USP10: variants seen among roughly 807,000 people sequenced by gnomAD.
The protein encoded by USP10 is ubiquitin carboxyl-terminal hydrolase 10.
Under a neutral mutation model 84.5 loss-of-function variants are expected in USP10, and 22 were observed. That is an observed-to-expected ratio of 0.26 (90% confidence interval 0.19 to 0.37). The LOEUF (loss-of-function observed/expected upper bound fraction) is 0.37, where lower values mean the gene tolerates loss of function less well. Among genes scored for constraint, USP10 ranks in the 10% least tolerant of loss-of-function variants. The probability of loss-of-function intolerance (pLI) is 1.00; values close to 1 mark genes in which losing one functional copy is unlikely to be tolerated. For synonymous variants in USP10, 454 were observed against 387.6 expected, an observed-to-expected ratio of 1.17 and a Z score of -2.01; for missense variants, 1,019 against 998.9, an observed-to-expected ratio of 1.02 and a Z score of -0.27.
At chr16:84,708,957 C>T (rs1597268587) in intron 1 of USP10, 1 of 152,174 alleles carries the variant, frequency 6.6e-6, no homozygotes, top group Admixed American at 6.5e-5. Context: ...GGGAGAGAAG[C>T]AGGCTAATGG....
intron 10 of USP10, among the ~76,000 whole-genome samples, chr16:84,766,718 A>C (rs1424760084): frequency 6.6e-6 from 1 of 152,212 alleles, no homozygotes; most frequent in Non-Finnish European, 1.5e-5. Context: ...CAGATTGAAC[A>C]GCTCTGTCAC....
chr16:84,748,122 C>G (rs1208756129), intron 4 of USP10, among the ~76,000 whole-genome samples: 1 of 127,492 alleles, frequency 7.8e-6, no homozygotes, highest in South Asian at 2.7e-4. Context: ...CCAGTGCACT[C>G]CAGCCTGGGC....
intron 6 of USP10, 27 bp downstream of exon 6, chr16:84,759,499 A>C: frequency 6.3e-7 from 1 of 1,597,680 alleles, no homozygotes. Context: ...AAGATGTGTT[A>C]AGTGGTGGGG....
chr16:84,763,130 G>C, intron 9 of USP10, 42 bp downstream of exon 9: 2 of 1,343,930 alleles, frequency 1.5e-6, no homozygotes, highest in Non-Finnish European at 2.1e-6. Context: ...GCAAGAGTTC[G>C]CTGTAAACAG....
intron 6 of USP10, 170 bp from the exon 7 acceptor site, chr16:84,759,721 A>G: frequency 1.4e-6 from 1 of 739,204 alleles, no homozygotes; most frequent in Non-Finnish European, 2.2e-6. Flanking sequence ...CACTTGAAAT[A>G]GACCAAAAAT....
chr16:84,700,203 C>T lies in USP10; in HGVS notation c.21+92C>T, dbSNP rs985050908. The T allele has an allele frequency of 3.0e-4, 312 of 1,050,564 alleles. No homozygotes were observed. The African/African-American group carries it at 4.5e-3, about 15-fold the overall frequency. The allele number at this position is 1,050,564 out of a possible 1,614,324, so 65.1% of individuals were successfully genotyped here. A position where few individuals can be genotyped will look rare whatever the true frequency, so the allele number is the denominator to read the frequency against. ...GCGGGCGTCCGCGCCCTGCCCGGAGCGAGCGTGTGGGAGTGGGGGAGGGCG... is the reference window on the plus strand; with the variant it reads ...GCGGGCGTCCGCGCCCTGCCCGGAGTGAGCGTGTGGGAGTGGGGGAGGGCG... On this transcript the variant is annotated intron_variant, in intron 1 of 13. Coordinates refer to ENST00000219473, the MANE Select transcript of USP10 (RefSeq NM_005153.3).
intron 4 of USP10, among the ~76,000 whole-genome samples, chr16:84,747,467 T>G (rs1358394214): frequency 6.6e-6 from 1 of 152,160 alleles, no homozygotes; most frequent in African/African-American, 2.4e-5. Flanking sequence ...TCAGGTACTC[T>G]TGTTGTTCTG....
chr16:84,771,662 A>G (rs1914466669), intron 11 of USP10, among the ~76,000 whole-genome samples: 1 of 152,184 alleles, frequency 6.6e-6, no homozygotes, highest in African/African-American at 2.4e-5. Context: ...TGAGGTCAGG[A>G]GTTCAAGACC....
intron 1 of USP10, among the ~76,000 whole-genome samples, chr16:84,715,703 G>T (rs1169691996): frequency 6.6e-6 from 1 of 152,048 alleles, no homozygotes; most frequent in East Asian, 1.9e-4. Context: ...ATAAACTAGA[G>T]ATTTAGTGGC....
chr16:84,736,110 G>A (rs11642462), intron 2 of USP10, among the ~76,000 whole-genome samples: 7,404 of 140,078 alleles, frequency 0.053, 270 homozygotes, highest in Middle Eastern at 0.066. Context: ...AGGGGAGGGC[G>A]TGTCACTTCT....
At chr16:84,776,760 C>T (rs1329552132) in intron 13 of USP10, among the ~76,000 whole-genome samples, 1 of 152,182 alleles carries the variant, frequency 6.6e-6, no homozygotes, top group East Asian at 1.9e-4. Flanking sequence ...ACCTGCCTCG[C>T]CCCGGGACCT....
At chr16:84,753,666 G>A (rs1597370320) in intron 4 of USP10, among the ~76,000 whole-genome samples, 2 of 152,294 alleles carry the variant, frequency 1.3e-5, no homozygotes, top group East Asian at 3.9e-4. Flanking sequence ...GTCTTCTCAG[G>A]AGCTGTCATT....
intron 1 of USP10, among the ~76,000 whole-genome samples, chr16:84,731,024 G>A (rs1316504832): frequency 7.0e-6 from 1 of 143,116 alleles, no homozygotes; most frequent in Non-Finnish European, 1.5e-5. Flanking sequence ...TCTGTCAGCA[G>A]GCTGGAGTGC....
intron 4 of USP10, among the ~76,000 whole-genome samples, chr16:84,755,076 G>T (rs1372768111): frequency 2.0e-5 from 3 of 151,744 alleles, no homozygotes; most frequent in Non-Finnish European, 4.4e-5. Flanking sequence ...TTTAAGAGTG[G>T]AGTTAGCCTC....
chr16:84,721,341 C>T (rs1001104190), intron 1 of USP10, among the ~76,000 whole-genome samples: 4 of 152,154 alleles, frequency 2.6e-5, no homozygotes, highest in Non-Finnish European at 5.9e-5. Flanking sequence ...ACAAATAGAG[C>T]GTACTGAGGA....
rs1914875259 is a variant in USP10, at chr16:84,775,232, A to C, written c.2209+7A>C. ...ACCTATCGGCTCTTTGCAGGTGAGT[A>C]AATTTGTACGACATTACTTCTTCAT... On this transcript the variant is annotated splice_region_variant and intron_variant, in intron 13 of 13. Transcript: ENST00000219473. 1 of 1,612,640 alleles carries C rather than the reference A, an allele frequency of 6.2e-7. No homozygotes were observed. Among genetic ancestry groups the C allele is most frequent in the African/African-American group, 1.3e-5 (1 of 74,922 alleles).
intron 4 of USP10, among the ~76,000 whole-genome samples, chr16:84,747,125 G>A (rs1400244597): frequency 2.0e-5 from 3 of 152,178 alleles, no homozygotes; most frequent in Non-Finnish European, 2.9e-5. Context: ...TACGCCGCGC[G>A]TGACTGTACG....
intron 4 of USP10, among the ~76,000 whole-genome samples, chr16:84,745,992 T>C (rs1911181878): frequency 6.6e-6 from 1 of 152,250 alleles, no homozygotes; most frequent in African/African-American, 2.4e-5. Flanking sequence ...AATGGACTTT[T>C]TCTGTGATAT....
chr16:84,711,833 C>T (rs369191395), intron 1 of USP10, among the ~76,000 whole-genome samples: 27 of 151,208 alleles, frequency 1.8e-4, no homozygotes, highest in African/African-American at 6.6e-4. Flanking sequence ...GATTCTCTGG[C>T]CTCAGCCTCC....
Sources: gnomAD v4.1 joint callset for allele counts (sites outside exome capture counted in the v4.1 genomes callset) on GRCh38, gnomAD v4.1.1 for gene constraint, MANE v1.5 for transcripts, NCBI Gene and HGNC (gene_info 2026-07-23, HGNC 2026-07-21) for gene names.